The following RTL4 variants were observed in gnomAD, a reference collection of about 807,000 sequenced individuals.
The protein encoded by RTL4 is retrotransposon Gag like 4, also known as retrotransposon Gag-like protein 4.
In RTL4, 4 loss-of-function variants were observed where a neutral mutation model predicts 5.3. The observed-to-expected ratio is 0.75, with a 90% CI of 0.37 to 1.72. The LOEUF (loss-of-function observed/expected upper bound fraction) is 1.72. RTL4 is among the 40% of genes most tolerant of loss of function. RTL4 has a pLI of 0.04. For synonymous variants in RTL4, 98 were observed against 87.3 expected (o/e 1.12, Z -0.68); for missense variants, 260 against 227.1 (o/e 1.14, Z -0.93).
the RTL4 span, among the ~76,000 whole-genome samples, chrX:112,250,952 T>C: frequency 8.9e-6 from 1 of 112,235 alleles, no homozygotes; most frequent in Non-Finnish European, 1.9e-5. Context: ...AAGATCATTA[T>C]CTTGGCAAAA....
chrX:112,176,314 G>C, the RTL4 span, among the ~76,000 whole-genome samples: 1 of 112,171 alleles, frequency 8.9e-6, no homozygotes, highest in Non-Finnish European at 1.9e-5. Flanking sequence ...GTAATTTATA[G>C]ATTCAATTTT....
the RTL4 span, among the ~76,000 whole-genome samples, chrX:112,171,961 T>C: frequency 8.9e-5 from 10 of 112,161 alleles, no homozygotes; most frequent in Non-Finnish European, 1.7e-4. Context: ...AATTTATCCA[T>C]CTGACAAAGG....
chrX:112,197,599 G>C, the RTL4 span, among the ~76,000 whole-genome samples: 1 of 111,533 alleles, frequency 9.0e-6, no homozygotes, highest in African/African-American at 3.3e-5. Context: ...GAGAGACAAA[G>C]CTTTTGGAGG....
the RTL4 span, among the ~76,000 whole-genome samples, chrX:112,386,497 C>T: frequency 1.8e-5 from 2 of 110,240 alleles, no homozygotes; most frequent in Non-Finnish European, 3.8e-5. Context: ...TCTTTTATCC[C>T]TCACCCCCCT....
the RTL4 span, among the ~76,000 whole-genome samples, chrX:112,426,013 G>A: frequency 9.0e-6 from 1 of 111,473 alleles, no homozygotes; most frequent in Admixed American, 9.5e-5. Flanking sequence ...CATATCCAAG[G>A]TCATAAAGGT....
At chrX:112,234,886 G>A in the RTL4 span, among the ~76,000 whole-genome samples, 1 of 111,674 alleles carries the variant, frequency 9.0e-6, no homozygotes, top group Non-Finnish European at 1.9e-5. Context: ...GCACAGTAGA[G>A]CACTTATAAT....
chrX:112,087,749 C>A, the RTL4 span, among the ~76,000 whole-genome samples: 1 of 111,309 alleles, frequency 9.0e-6, no homozygotes, highest in Non-Finnish European at 1.9e-5. Context: ...GTTTGCTTAT[C>A]TGTAAGCTGG....
chrX:112,143,678 G>T, the RTL4 span, among the ~76,000 whole-genome samples: 1 of 111,614 alleles, frequency 9.0e-6, no homozygotes, highest in Admixed American at 9.5e-5. Flanking sequence ...ATTTCTTAAA[G>T]CTTGGTAAGA....
chrX:112,294,450 T>A, the RTL4 span, among the ~76,000 whole-genome samples: 1 of 110,433 alleles, frequency 9.1e-6, no homozygotes, highest in African/African-American at 3.3e-5. Context: ...ACAAAAAAAA[T>A]TAGCCAGGTA....
the RTL4 span, among the ~76,000 whole-genome samples, chrX:112,232,552 A>G: frequency 8.9e-6 from 1 of 111,970 alleles, no homozygotes; most frequent in African/African-American, 3.2e-5. Context: ...TTGCCTTTAG[A>G]CATACCTAAA....
chrX:112,280,912 C>T, the RTL4 span, among the ~76,000 whole-genome samples: 14 of 110,984 alleles, frequency 1.3e-4, no homozygotes, highest in Non-Finnish European at 2.5e-4. Flanking sequence ...ATGTACAACA[C>T]GTTGTTTTGA....
the RTL4 span, among the ~76,000 whole-genome samples, chrX:112,252,446 A>C: frequency 1.2e-4 from 14 of 112,063 alleles, no homozygotes; most frequent in Non-Finnish European, 2.4e-4. Flanking sequence ...TAATCAAGAG[A>C]GAAAGTCTAT....
chrX:112,292,693 C>A, the RTL4 span, among the ~76,000 whole-genome samples: 1 of 111,376 alleles, frequency 9.0e-6, no homozygotes, highest in African/African-American at 3.3e-5. Context: ...CAAGACCTAA[C>A]TAAAACTCAG....
chrX:112,236,280 T>C, the RTL4 span, among the ~76,000 whole-genome samples: 2 of 106,592 alleles, frequency 1.9e-5, no homozygotes, highest in Non-Finnish European at 3.9e-5. Context: ...AGCCCCAGTT[T>C]CCTTATTTAA....
chrX:112,303,630 A>G, the RTL4 span, among the ~76,000 whole-genome samples: 3 of 69,017 alleles, frequency 4.3e-5, no homozygotes, highest in African/African-American at 5.9e-5. Context: ...GGGGGGAGGG[A>G]TAGCATTAGG....
the RTL4 span, among the ~76,000 whole-genome samples, chrX:112,168,778 A>G: frequency 5.4e-5 from 6 of 111,919 alleles, no homozygotes; most frequent in African/African-American, 1.6e-4. Context: ...TGTGTTTAGC[A>G]TATAATTGAG....
the RTL4 span, among the ~76,000 whole-genome samples, chrX:112,179,598 G>T: frequency 4.5e-5 from 5 of 111,841 alleles, no homozygotes; most frequent in African/African-American, 9.8e-5. Flanking sequence ...GTCAATTAAG[G>T]TGAAAAGGAA....
the RTL4 span, among the ~76,000 whole-genome samples, chrX:112,105,668 T>G: frequency 3.6e-5 from 4 of 111,483 alleles, no homozygotes; most frequent in Admixed American, 1.9e-4. Context: ...ACTATTTTCT[T>G]GATTTTCTCT....
the RTL4 span, among the ~76,000 whole-genome samples, chrX:112,294,328 G>A: frequency 2.7e-5 from 3 of 111,207 alleles, no homozygotes; most frequent in Non-Finnish European, 5.6e-5. Context: ...CAGGCGCGGT[G>A]GCTCACACCC....
Sources: gnomAD v4.1 joint callset for allele counts (sites outside exome capture counted in the v4.1 genomes callset) on GRCh38, gnomAD v4.1.1 for gene constraint, MANE v1.5 for transcripts, NCBI Gene and HGNC (gene_info 2026-07-23, HGNC 2026-07-21) for gene names.